The following NFKBIB variants were observed in gnomAD, a reference collection of about 807,000 sequenced individuals.
The protein encoded by NFKBIB is NF-kappa-B inhibitor beta.
NFKBIB carries 16 observed loss-of-function variants against 32.1 expected under a neutral mutation model. The observed-to-expected ratio is 0.50, with a 90% CI of 0.34 to 0.76. The LOEUF (loss-of-function observed/expected upper bound fraction) is 0.76. Among genes scored for constraint, NFKBIB ranks in the 30% least tolerant of loss-of-function variants. NFKBIB has a pLI of 0.01. For synonymous variants in NFKBIB, 222 were observed against 219.5 expected (o/e 1.01, Z -0.10); for missense variants, 437 against 514.9 (o/e 0.85, Z 1.46).
At chr19:38,906,335 G>A (rs906311774) in intron 3 of NFKBIB, among the ~76,000 whole-genome samples, 7 of 151,550 alleles carry the variant, frequency 4.6e-5, no homozygotes, top group African/African-American at 9.7e-5. Flanking sequence ...GTAGAGACGG[G>A]GTTTTACCAT....
At chr19:38,903,343 G>A (rs984660644) in intron 1 of NFKBIB, among the ~76,000 whole-genome samples, 1 of 151,850 alleles carries the variant, frequency 6.6e-6, no homozygotes, top group African/African-American at 2.4e-5. Flanking sequence ...GAGTGCAGTG[G>A]CACGATCTCA....
chr19:38,900,447 G>C (rs946408431), intron 1 of NFKBIB, among the ~76,000 whole-genome samples: 15 of 152,044 alleles, frequency 9.9e-5, no homozygotes, highest in African/African-American at 3.4e-4. Flanking sequence ...CTCAGCTCCT[G>C]GAATCCACAT....
intron 1 of NFKBIB, among the ~76,000 whole-genome samples, chr19:38,904,416 G>A (rs17880968): frequency 2.2e-4 from 34 of 152,266 alleles, no homozygotes; most frequent in Admixed American, 5.9e-4. Context: ...TGGCTGATCC[G>A]TATTCTCCGG....
chr19:38,907,163 A>G, intron 3 of NFKBIB, 58 bp from the exon 4 acceptor site: 2 of 1,496,796 alleles, frequency 1.3e-6, no homozygotes, highest in Admixed American at 1.8e-5. Context: ...GGATCAAAGC[A>G]CGGTGGGGTG....
intron 3 of NFKBIB, among the ~76,000 whole-genome samples, chr19:38,906,793 C>G (rs1220395938): frequency 6.6e-6 from 1 of 151,942 alleles, no homozygotes; most frequent in Non-Finnish European, 1.5e-5. Flanking sequence ...TTAGTAGAGA[C>G]GTCTTGCCAT....
chr19:38,907,025 A>G (rs1344372209), intron 3 of NFKBIB, among the ~76,000 whole-genome samples, 196 bp from the exon 4 acceptor site: 1 of 152,230 alleles, frequency 6.6e-6, no homozygotes, highest in Non-Finnish European at 1.5e-5. Context: ...CTCAGGCACT[A>G]GCACTTGCCA....
At position 38,900,176 on chromosome 19, in the gene NFKBIB, C is replaced by A; in HGVS notation, c.144C>A (p.Pro48=). ...AELGPGLSWA[P]LVFGYVTEDG... ...TGGGCCCGGGGCTGTCGTGGGCTCC[C>A]CTCGTCTTCGGCTACGTCACTGAGG... The change falls in exon 1 of 6, where the codon CCC becomes CCA. Residue 48 remains proline, a synonymous_variant. Coordinates refer to ENST00000313582, the MANE Select transcript of NFKBIB (RefSeq NM_002503.5). The A allele has an allele frequency of 6.2e-7, 1 of 1,604,050 alleles. No individual in the cohort carries two copies. Among genetic ancestry groups the A allele is most frequent in the South Asian group, 1.1e-5 (1 of 88,986 alleles).
At chr19:38,906,131 C>CTTTTTTTTT (rs11300670) in intron 3 of NFKBIB, among the ~76,000 whole-genome samples, 5 of 97,374 alleles carry the variant, frequency 5.1e-5, no homozygotes, top group African/African-American at 1.4e-4. Context: ...TACTTGGTAC[C>CTTTTTTTTT]TTTTTTTTTT....
At chr19:38,899,952 G>A, upstream of NFKBIB, 1 of 1,380,452 alleles carries the variant, frequency 7.2e-7, no homozygotes, top group South Asian at 1.5e-5. Flanking sequence ...GGAATTTCCC[G>A]CAGGGCGGAA....
intron 3 of NFKBIB, among the ~76,000 whole-genome samples, chr19:38,906,466 GTTTTTTTTTTTT>G: frequency 1.3e-5 from 1 of 75,344 alleles, no homozygotes; most frequent in South Asian, 5.6e-4. Context: ...TTAATTTAAG[GTTTTTTTTTTTT>G]TTTTTTTTTG....
intron 3 of NFKBIB, among the ~76,000 whole-genome samples, chr19:38,906,066 T>C (rs1443206800): frequency 6.6e-6 from 1 of 151,138 alleles, no homozygotes; most frequent in Non-Finnish European, 1.5e-5. Flanking sequence ...CTGACGTCAT[T>C]CAGGACCCAG....
intron 1 of NFKBIB, among the ~76,000 whole-genome samples, chr19:38,903,089 CAAAA>C (rs1175569624): frequency 6.6e-6 from 1 of 151,384 alleles, no homozygotes; most frequent in Non-Finnish European, 1.5e-5. Context: ...AACAAACAAA[CAAAA>C]AAAGAAAAAG....
chr19:38,905,681 C>T lies in NFKBIB; in HGVS notation c.619+146C>T, dbSNP rs772931563. The T allele has an allele frequency of 1.1e-4, 70 of 642,164 alleles. No homozygotes were observed. The highest frequency in any genetic ancestry group is 1.7e-4 in the Non-Finnish European group (64 of 377,458). The allele number at this position is 642,164 out of a possible 1,614,324, so 39.8% of individuals were successfully genotyped here. A position where few individuals can be genotyped will look rare whatever the true frequency, so the allele number is the denominator to read the frequency against. ...CCCACACATCGGGACCAGGGACCTC[C>T]ACTCAGGGCCCAGATGATTGAGAAT... On this transcript the variant is annotated intron_variant, in intron 3 of 5. Coordinates refer to ENST00000313582, the MANE Select transcript of NFKBIB (RefSeq NM_002503.5). This position sits in a 1 kb window ranked among gnomAD's most constrained non-coding sequence, Gnocchi z 5.5.
chr19:38,905,436 C>T lies in NFKBIB; in HGVS notation c.520C>T (p.His174Tyr). ...QGPDRTPDTNHTPVALYPDSD... is the reference protein window; with the variant it reads ...QGPDRTPDTNYTPVALYPDSD... Reference sequence around the variant, plus strand: ...CCCTGACCGTACTCCCGACACCAACCATACCCCTGTCGCCTTGTACCCCGA... The same window carrying T: ...CCCTGACCGTACTCCCGACACCAACTATACCCCTGTCGCCTTGTACCCCGA... The change falls in exon 3 of 6, where the codon CAT (histidine) becomes TAT (tyrosine). Residue 174 changes from histidine to tyrosine, a missense_variant. Physicochemically the swap from His to Tyr is moderately conservative, Grantham distance 83. Transcript: ENST00000313582. The surrounding 1 kb of genome is among the most constrained non-coding windows in gnomAD (Gnocchi z 5.5). The T allele has an allele frequency of 6.2e-7, 1 of 1,614,034 alleles. No homozygotes were observed. Among genetic ancestry groups the T allele is most frequent in the Non-Finnish European group, 8.5e-7 (1 of 1,179,984 alleles).
rs1286580060 is a variant in NFKBIB at position 38,907,587 on chromosome 19, T to G, written c.897T>G (p.Pro299=). ...GCCTCCTCCGTGCACACGGAGCCCC[T>G]GAGCCCGAGGGCGAGGACGAGAAAT... ...LARLLRAHGA[P]EPEGEDEKSG... Residue 299 remains proline (P), a synonymous_variant, in exon 5 of 6, where the codon CCT becomes CCG. Coordinates refer to ENST00000313582, the MANE Select transcript of NFKBIB (RefSeq NM_002503.5). 1.2e-6 allele frequency: 2 copies of G among 1,612,360 alleles called. No homozygotes were observed. Among genetic ancestry groups the G allele is most frequent in the Non-Finnish European group, 1.7e-6 (2 of 1,179,616 alleles).
chr19:38,899,955 G>A, upstream of NFKBIB: 2 of 1,390,818 alleles, frequency 1.4e-6, no homozygotes, highest in Non-Finnish European at 1.9e-6. Flanking sequence ...ATTTCCCGCA[G>A]GGCGGAAGCT....
chr19:38,905,678 C>A lies in NFKBIB; in HGVS notation c.619+143C>A. On this transcript the variant is annotated intron_variant, in intron 3 of 5. Coordinates refer to ENST00000313582, the MANE Select transcript of NFKBIB (RefSeq NM_002503.5). This position sits in a 1 kb window ranked among gnomAD's most constrained non-coding sequence, Gnocchi z 5.5. The stretch of plus-strand genomic sequence containing the variant: ...GAGCCCACACATCGGGACCAGGGAC[C>A]TCCACTCAGGGCCCAGATGATTGAG... 1 of 652,958 alleles carries A rather than the reference C, an allele frequency of 1.5e-6. No individual in the cohort carries two copies. Among genetic ancestry groups the A allele is most frequent in the Non-Finnish European group, 2.6e-6 (1 of 386,688 alleles). The allele number at this position is 652,958 out of a possible 1,614,324, so 40.4% of individuals were successfully genotyped here.
intron 1 of NFKBIB, among the ~76,000 whole-genome samples, chr19:38,900,734 G>A (rs1395554864): frequency 6.6e-6 from 1 of 152,178 alleles, no homozygotes; most frequent in East Asian, 1.9e-4. Flanking sequence ...AAAAAAGAAT[G>A]TTAGCTCCAT....
intron 1 of NFKBIB, 96 bp downstream of exon 1, chr19:38,900,307 T>G: frequency 7.6e-7 from 1 of 1,314,184 alleles, no homozygotes; most frequent in South Asian, 1.5e-5. Context: ...CTCATACTCC[T>G]AAATCTGACT....
Sources: allele counts gnomAD v4.1 joint callset (sites outside exome capture counted in the v4.1 genomes callset), GRCh38; gene constraint gnomAD v4.1.1; non-coding constraint Gnocchi (gnomAD v3.1); transcripts MANE v1.5; gene names NCBI Gene and HGNC (gene_info 2026-07-23, HGNC 2026-07-21).